Variants in CDH18 observed in about 807,000 individuals in gnomAD.
The protein encoded by CDH18 is cadherin-18.
CDH18 carries 31 observed loss-of-function variants against 67.9 expected under a neutral mutation model. The ratio of observed to expected loss-of-function variants is 0.46; its 90% CI spans 0.34 to 0.62. The LOEUF is 0.62. Among genes scored for constraint, CDH18 ranks in the 20% least tolerant of loss-of-function variants. CDH18 has a pLI of 0.01. For synonymous variants in CDH18, 362 were observed against 347.2 expected, an observed-to-expected ratio of 1.04 and a Z score of -0.48; for missense variants, 890 against 975.5, an observed-to-expected ratio of 0.91 and a Z score of 1.17.
intron 2 of CDH18, among the ~76,000 whole-genome samples, chr5:20,072,011 C>A (rs906906499): frequency 6.6e-6 from 1 of 152,038 alleles, no homozygotes; most frequent in African/African-American, 2.4e-5. Flanking sequence ...CTCGTTATTA[C>A]TAACATTGGG....
At chr5:19,626,916 C>T (rs1321020052) in intron 5 of CDH18, among the ~76,000 whole-genome samples, 3 of 152,076 alleles carry the variant, frequency 2.0e-5, no homozygotes, top group Admixed American at 2.0e-4. Context: ...TATAATTAAA[C>T]ATTAAATTAT....
chr5:20,326,097 A>G (rs1385313339), intron 1 of CDH18, among the ~76,000 whole-genome samples: 2 of 152,210 alleles, frequency 1.3e-5, no homozygotes, highest in Non-Finnish European at 2.9e-5. Context: ...TCTCACTCTC[A>G]GTGATAGCTT....
intron 2 of CDH18, among the ~76,000 whole-genome samples, chr5:20,233,639 CGT>C (rs201524098): frequency 1.1e-4 from 16 of 151,738 alleles, no homozygotes; most frequent in African/African-American, 2.9e-4. Context: ...CACAGACATG[CGT>C]GTGTGTGTGT....
At chr5:19,778,897 T>C (rs1289650656) in intron 3 of CDH18, among the ~76,000 whole-genome samples, 2 of 152,154 alleles carry the variant, frequency 1.3e-5, no homozygotes, top group Non-Finnish European at 2.9e-5. Context: ...CTACATGTAT[T>C]ATGCTCAGAT....
At position 20,456,358 on chromosome 5, in the gene CDH18, T is replaced by G. The variant is rs111790158; in HGVS notation, c.-580+119104A>C. On this transcript the variant is annotated intron_variant, in intron 1 of 14. Coordinates refer to the CDH18 transcript ENST00000507958. ...GAATTAACTTTCAGGTTTTCAATTTTTTAAGGGAAAGACATGCTGATTTAT... is the reference window on the plus strand; with the variant it reads ...GAATTAACTTTCAGGTTTTCAATTTGTTAAGGGAAAGACATGCTGATTTAT... 4.7e-4 allele frequency among the ~76,000 whole-genome samples: 71 copies of G among 152,252 alleles called. 2 individuals are homozygous for G. Among genetic ancestry groups the G allele is most frequent in the African/African-American group, 1.5e-3 (62 of 41,576 alleles).
chr5:19,957,326 T>A (rs73762464), intron 2 of CDH18, among the ~76,000 whole-genome samples: 1 of 150,954 alleles, frequency 6.6e-6, no homozygotes, highest in African/African-American at 2.4e-5. Context: ...ATGTTTTATA[T>A]ATGTAATTAT....
chr5:20,226,194 T>C (rs1741612340), intron 2 of CDH18, among the ~76,000 whole-genome samples: 1 of 151,970 alleles, frequency 6.6e-6, no homozygotes, highest in Admixed American at 6.6e-5. Flanking sequence ...ACACTGGCCT[T>C]CAGAAAGCAA....
intron 1 of CDH18, among the ~76,000 whole-genome samples, chr5:20,484,988 T>TA (rs888015327): frequency 8.5e-5 from 13 of 152,048 alleles, no homozygotes; most frequent in East Asian, 3.8e-4. Flanking sequence ...AGGTGATTGA[T>TA]AAAAAAAGTG....
intron 5 of CDH18, among the ~76,000 whole-genome samples, chr5:19,640,839 A>G (rs1392005993): frequency 6.6e-6 from 1 of 151,598 alleles, no homozygotes; most frequent in Non-Finnish European, 1.5e-5. Context: ...TAAAAAAAAT[A>G]TAAGGATTAT....
At chr5:20,302,226 A>C (rs1269916129) in intron 1 of CDH18, among the ~76,000 whole-genome samples, 1 of 152,198 alleles carries the variant, frequency 6.6e-6, no homozygotes, top group Non-Finnish European at 1.5e-5. Context: ...CCAGGGAAGC[A>C]CGTGTGGCTA....
chr5:19,475,821 A>T (rs1326275333), intron 12 of CDH18, among the ~76,000 whole-genome samples: 1 of 152,054 alleles, frequency 6.6e-6, no homozygotes, highest in Non-Finnish European at 1.5e-5. Flanking sequence ...ATGGTTGTGA[A>T]TCAAACACCA....
intron 1 of CDH18, among the ~76,000 whole-genome samples, chr5:20,542,995 C>G (rs566343478): frequency 6.6e-6 from 1 of 151,772 alleles, no homozygotes; most frequent in Non-Finnish European, 1.5e-5. Flanking sequence ...GATAAATTAA[C>G]TTTTTGTTTG....
chr5:20,277,246 G>A (rs2126683903), intron 1 of CDH18, among the ~76,000 whole-genome samples: 1 of 152,210 alleles, frequency 6.6e-6, no homozygotes, highest in South Asian at 2.1e-4. Context: ...CAGTCCCAGT[G>A]GTGATGGCCA....
intron 2 of CDH18, among the ~76,000 whole-genome samples, chr5:20,109,855 A>C (rs1747301396): frequency 6.6e-6 from 1 of 152,212 alleles, no homozygotes; most frequent in Non-Finnish European, 1.5e-5. Context: ...AATTAAAAAA[A>C]ATACTTTTGG....
intron 2 of CDH18, among the ~76,000 whole-genome samples, chr5:20,091,397 A>T (rs1345962416): frequency 6.6e-6 from 1 of 152,040 alleles, no homozygotes; most frequent in Non-Finnish European, 1.5e-5. Context: ...AGGCTGAGGC[A>T]GGAAGATTTC....
At chr5:19,735,693 C>T (rs1768222523) in intron 4 of CDH18, among the ~76,000 whole-genome samples, 1 of 152,090 alleles carries the variant, frequency 6.6e-6, no homozygotes, top group African/African-American at 2.4e-5. Context: ...CTGTGCCCAG[C>T]CGATACTGGA....
At chr5:19,735,627 C>A (rs895937192) in intron 4 of CDH18, among the ~76,000 whole-genome samples, 8 of 152,064 alleles carry the variant, frequency 5.3e-5, no homozygotes, top group Admixed American at 4.6e-4. Flanking sequence ...AATCTCCTGA[C>A]CTCATGATCC....
At chr5:19,904,048 C>A (rs1790248731) in intron 2 of CDH18, among the ~76,000 whole-genome samples, 2 of 151,736 alleles carry the variant, frequency 1.3e-5, no homozygotes, top group African/African-American at 4.8e-5. Flanking sequence ...CCGAGGCAGG[C>A]AGATCATCTG....
chr5:20,295,813 C>T (rs1000441942), intron 1 of CDH18, among the ~76,000 whole-genome samples: 2 of 150,822 alleles, frequency 1.3e-5, no homozygotes, highest in Non-Finnish European at 2.9e-5. Context: ...CATATATACT[C>T]AAGCTTGATA....
Sources: gnomAD v4.1 joint callset for allele counts (sites outside exome capture counted in the v4.1 genomes callset) on GRCh38, gnomAD v4.1.1 for gene constraint, MANE v1.5 for transcripts, NCBI Gene and HGNC (gene_info 2026-07-23, HGNC 2026-07-21) for gene names.